Variants in FGGY observed in about 807,000 individuals in gnomAD.
The protein encoded by FGGY is FGGY carbohydrate kinase domain containing, also known as FGGY carbohydrate kinase domain-containing protein.
Under a neutral mutation model 71.3 loss-of-function variants are expected in FGGY, and 72 were observed. The observed-to-expected ratio is 1.01, with a 90% confidence interval of 0.84 to 1.23. FGGY has a LOEUF of 1.23. Among genes scored for constraint, FGGY ranks in the 50% most tolerant of loss-of-function variants. The probability of loss-of-function intolerance (pLI) is 0.00; values close to 1 mark genes in which losing one functional copy is unlikely to be tolerated. For synonymous variants in FGGY, 251 were observed against 250.3 expected, an observed-to-expected ratio of 1.00 and a Z score of -0.02; for missense variants, 668 against 682.3, an observed-to-expected ratio of 0.98 and a Z score of 0.23.
intron 6 of FGGY, among the ~76,000 whole-genome samples, chr1:59,477,602 T>C (rs2093318492): frequency 1.3e-5 from 2 of 152,168 alleles, no homozygotes; most frequent in Non-Finnish European, 2.9e-5. Flanking sequence ...TGTGGTATCA[T>C]AAAACCTAGA....
chr1:59,494,341 C>T (rs986142953), intron 6 of FGGY, among the ~76,000 whole-genome samples: 1 of 152,120 alleles, frequency 6.6e-6, no homozygotes, highest in African/African-American at 2.4e-5. Flanking sequence ...TGGAGATGGC[C>T]TAATCAGTGT....
At chr1:59,327,142 G>A (rs566756360) in intron 2 of FGGY, among the ~76,000 whole-genome samples, 7 of 152,164 alleles carry the variant, frequency 4.6e-5, no homozygotes, top group Admixed American at 1.3e-4. Context: ...TTTAAGTAAG[G>A]TTTGCTGCAC....
intron 8 of FGGY, among the ~76,000 whole-genome samples, chr1:59,560,159 C>A (rs968968304): frequency 6.6e-6 from 1 of 152,188 alleles, no homozygotes; most frequent in African/African-American, 2.4e-5. Context: ...GAAAATGACA[C>A]TTTGTCTCTG....
At chr1:59,394,294 C>A (rs746357456) in intron 5 of FGGY, among the ~76,000 whole-genome samples, 1 of 152,134 alleles carries the variant, frequency 6.6e-6, no homozygotes, top group Non-Finnish European at 1.5e-5. Flanking sequence ...TACTTAATCT[C>A]ATATTCATAA....
intron 9 of FGGY, among the ~76,000 whole-genome samples, chr1:59,619,437 G>A (rs1281527123): frequency 9.2e-5 from 14 of 152,096 alleles, no homozygotes; most frequent in Admixed American, 8.5e-4. Flanking sequence ...TTTAAATAGG[G>A]TGGTCAGGGT....
chr1:59,644,625 CCA>C (rs908893016), intron 11 of FGGY, among the ~76,000 whole-genome samples: 7 of 152,010 alleles, frequency 4.6e-5, no homozygotes, highest in Admixed American at 1.3e-4. Context: ...ACGCCCCCCC[CCA>C]CCCAAAGAAA....
At chr1:59,364,816 C>T (rs2056289812) in intron 4 of FGGY, among the ~76,000 whole-genome samples, 2 of 152,224 alleles carry the variant, frequency 1.3e-5, no homozygotes, top group Admixed American at 1.3e-4. Context: ...TAGACATATA[C>T]ATGCTATTGC....
At chr1:59,573,036 T>C (rs965541285) in intron 8 of FGGY, among the ~76,000 whole-genome samples, 1 of 152,150 alleles carries the variant, frequency 6.6e-6, no homozygotes, top group African/African-American at 2.4e-5. Flanking sequence ...AATCTGATCA[T>C]GAGGAAATAT....
intron 6 of FGGY, among the ~76,000 whole-genome samples, chr1:59,487,700 A>G (rs1440813305): frequency 6.6e-6 from 1 of 151,738 alleles, no homozygotes; most frequent in Non-Finnish European, 1.5e-5. Flanking sequence ...TTATCCAGAA[A>G]TACTTGATCT....
chr1:59,570,059 G>A (rs182736115), intron 8 of FGGY, among the ~76,000 whole-genome samples: 151 of 152,264 alleles, frequency 9.9e-4, no homozygotes, highest in African/African-American at 3.4e-3. Flanking sequence ...TGAGCTGCAA[G>A]CCAGTGACTG....
Position 59,585,356 on chromosome 1 carries a change from A to T in FGGY, c.904-22447A>T, listed in dbSNP as rs888075401. ...AATGGAACAGAACAGAGCCCTCAGA[A>T]ATAATACCACACATCTACAACCATC... On this transcript the variant is annotated intron_variant, in intron 8 of 15. Coordinates refer to ENST00000303721, the MANE Select transcript of FGGY (RefSeq NM_018291.5). Among the ~76,000 whole-genome samples the T allele has an allele frequency of 7.2e-5, 11 of 152,330 alleles. 1 individual carries two copies. The highest frequency in any genetic ancestry group is 4.6e-4 in the Admixed American group (7 of 15,306).
intron 6 of FGGY, among the ~76,000 whole-genome samples, chr1:59,479,027 T>G (rs1053317220): frequency 2.0e-5 from 3 of 152,230 alleles, no homozygotes; most frequent in South Asian, 4.1e-4. Flanking sequence ...CAGCCACAGC[T>G]AACACTGAGC....
intron 5 of FGGY, 123 bp downstream of exon 5, chr1:59,378,960 T>G: frequency 1.4e-6 from 1 of 736,054 alleles, no homozygotes; most frequent in Non-Finnish European, 2.3e-6. Flanking sequence ...TGATTTTGCA[T>G]ACATGAAACA....
rs377471806 is a variant in FGGY at position 59,535,398 on chromosome 1, T to G, written c.800-18726T>G. 3.1e-3 allele frequency among the ~76,000 whole-genome samples: 478 copies of G among 151,890 alleles called. 1 individual carries two copies. The highest frequency in any genetic ancestry group is 0.011 in the African/African-American group (453 of 41,338). On this transcript the variant is annotated intron_variant, in intron 7 of 15. Transcript: ENST00000303721. ...ATTAATAATGGGAGACTTTAACACC[T>G]CACTGTCAACATTAGACAGATCAAC...
At chr1:59,340,673 A>G (rs17480876) in intron 3 of FGGY, among the ~76,000 whole-genome samples, 14,130 of 152,222 alleles carry the variant, frequency 0.093, 730 homozygotes, top group Middle Eastern at 0.12. Context: ...TTCACAGCAG[A>G]TAAGGTTGTC....
intron 6 of FGGY, among the ~76,000 whole-genome samples, chr1:59,458,480 G>T (rs947061707): frequency 6.6e-6 from 1 of 151,948 alleles, no homozygotes; most frequent in East Asian, 1.9e-4. Context: ...TTGGCAATTG[G>T]GTATAACTTC....
intron 5 of FGGY, among the ~76,000 whole-genome samples, chr1:59,399,729 A>G (rs999269451): frequency 2.0e-5 from 3 of 152,250 alleles, no homozygotes; most frequent in Admixed American, 6.5e-5. Context: ...TGCCATGCAT[A>G]TATCTTTAGA....
chr1:59,670,860 T>G (rs763486339), intron 13 of FGGY, among the ~76,000 whole-genome samples: 1 of 152,310 alleles, frequency 6.6e-6, no homozygotes, highest in Non-Finnish European at 1.5e-5. Context: ...TGTACCCTGG[T>G]CATTTGGTTA....
intron 8 of FGGY, among the ~76,000 whole-genome samples, chr1:59,581,888 C>T (rs77543020): frequency 0.016 from 2,459 of 149,484 alleles, 298 homozygotes; most frequent in African/African-American, 0.06. Flanking sequence ...TTTCAGGGAC[C>T]GATATGTTTA....
Sources: gnomAD v4.1 joint callset for allele counts (sites outside exome capture counted in the v4.1 genomes callset) on GRCh38, gnomAD v4.1.1 for gene constraint, MANE v1.5 for transcripts, NCBI Gene and HGNC (gene_info 2026-07-23, HGNC 2026-07-21) for gene names.